Variants in ZDHHC11 observed in about 807,000 individuals in gnomAD.
ZDHHC11 encodes zDHHC palmitoyltransferase 11.
ZDHHC11 carries 44 observed loss-of-function variants against 51.3 expected under a neutral mutation model. That is an observed-to-expected ratio of 0.86 (90% confidence interval 0.67 to 1.10). The LOEUF (loss-of-function observed/expected upper bound fraction) is 1.10, where lower values mean the gene tolerates loss of function less well. Ranked by LOEUF, ZDHHC11 falls within the 50% of genes least tolerant of loss-of-function variation. The pLI is 0.00. For missense variants in ZDHHC11, 400 were observed against 537.7 expected, an observed-to-expected ratio of 0.74 and a Z score of 2.53; for synonymous variants, 163 against 222.0, an observed-to-expected ratio of 0.73 and a Z score of 2.36.
intron 3 of ZDHHC11, among the ~76,000 whole-genome samples, chr5:846,158 G>T (rs1182231214): frequency 1.5e-4 from 23 of 150,800 alleles, no homozygotes; most frequent in African/African-American, 5.4e-4. Flanking sequence ...CTCTGGACTC[G>T]CTGTGCGGTC....
rs888012799 is a variant in ZDHHC11, at chr5:799,867, C to A, written c.*7+1233G>T. 1.1e-4 allele frequency among the ~76,000 whole-genome samples: 17 copies of A among 151,606 alleles called. 1 individual carries two copies. The highest frequency in any genetic ancestry group is 3.4e-3 in the Middle Eastern group (1 of 294). On this transcript the variant is annotated intron_variant, in intron 12 of 12. Coordinates refer to ENST00000283441, the MANE Select transcript of ZDHHC11 (RefSeq NM_024786.3). The stretch of plus-strand genomic sequence containing the variant: ...TGCAATCTTTCCACATCTCTTTCAT[C>A]TCCCCTTCAATCTCAGTGGATTTGT...
At chr5:838,572 G>C (rs1217382785) in intron 5 of ZDHHC11, among the ~76,000 whole-genome samples, 1 of 152,220 alleles carries the variant, frequency 6.6e-6, no homozygotes, top group South Asian at 2.1e-4. Context: ...TGGACATCCT[G>C]GAGTCACTGC....
At chr5:842,895 C>T (rs1441691735) in intron 4 of ZDHHC11, among the ~76,000 whole-genome samples, 2 of 152,218 alleles carry the variant, frequency 1.3e-5, no homozygotes, top group Admixed American at 1.3e-4. Context: ...CTCACGAGGC[C>T]ACCTCCCCTC....
At chr5:854,341 G>C (rs191156034), upstream of ZDHHC11, among the ~76,000 whole-genome samples, 529 of 149,364 alleles carry the variant, frequency 3.5e-3, 14 homozygotes, top group Admixed American at 0.032. Flanking sequence ...AGAGGACAGC[G>C]AGCCGTGGGG....
At chr5:840,071 G>A in intron 5 of ZDHHC11, 2 of 606,598 alleles carry the variant, frequency 3.3e-6, no homozygotes, top group Non-Finnish European at 2.9e-6. Context: ...TTTGGTTAGT[G>A]GGTGACCTGC....
chr5:843,854 C>T (rs1410655227), intron 3 of ZDHHC11, 130 bp from the exon 4 acceptor site: 8 of 202,262 alleles, frequency 4.0e-5, no homozygotes, highest in Non-Finnish European at 3.7e-5. Context: ...GGGGGCACAG[C>T]GGCAGGGGCA....
At chr5:810,718 T>C (rs1579573788) in intron 11 of ZDHHC11, among the ~76,000 whole-genome samples, 2 of 151,540 alleles carry the variant, frequency 1.3e-5, no homozygotes, top group African/African-American at 2.4e-5. Context: ...AAAGGGTTAA[T>C]GGTAACTTAT....
chr5:855,970 G>A (rs922430190), upstream of ZDHHC11, among the ~76,000 whole-genome samples: 1 of 151,288 alleles, frequency 6.6e-6, no homozygotes, highest in African/African-American at 2.4e-5. Context: ...TGAGCGAGGG[G>A]CACAGACCCC....
chr5:806,062 T>G (rs913035814), intron 11 of ZDHHC11, among the ~76,000 whole-genome samples: 1 of 150,256 alleles, frequency 6.7e-6, no homozygotes, highest in Non-Finnish European at 1.5e-5. Flanking sequence ...ATGGGGGAGG[T>G]GCTGGAAAGG....
intron 12 of ZDHHC11, among the ~76,000 whole-genome samples, chr5:798,454 T>C (rs1436891451): frequency 1.3e-5 from 2 of 151,286 alleles, no homozygotes; most frequent in African/African-American, 2.4e-5. Context: ...TTTCGGAGCA[T>C]TGTCCGATCC....
At chr5:828,392 C>T (rs1181270533) in intron 7 of ZDHHC11, among the ~76,000 whole-genome samples, 4 of 149,096 alleles carry the variant, frequency 2.7e-5, no homozygotes, top group Non-Finnish European at 6.0e-5. Flanking sequence ...CTGGACGGGG[C>T]GGCTGGCCGG....
At chr5:849,331 G>A (rs1438638823) in intron 1 of ZDHHC11, among the ~76,000 whole-genome samples, 1 of 152,150 alleles carries the variant, frequency 6.6e-6, no homozygotes, top group Non-Finnish European at 1.5e-5. Context: ...ACCCTTTACA[G>A]CTTGAGGGAC....
At chr5:853,187 G>A (rs1243674995), upstream of ZDHHC11, among the ~76,000 whole-genome samples, 3 of 143,768 alleles carry the variant, frequency 2.1e-5, no homozygotes, top group Non-Finnish European at 4.5e-5. Context: ...AGGACAGCGA[G>A]CCAGGGGGCA....
At chr5:845,969 C>T (rs1163435057) in intron 3 of ZDHHC11, among the ~76,000 whole-genome samples, 2 of 150,258 alleles carry the variant, frequency 1.3e-5, no homozygotes, top group African/African-American at 2.5e-5. Context: ...TCACCTTCCC[C>T]ACCAGGACCC....
intron 3 of ZDHHC11, among the ~76,000 whole-genome samples, chr5:846,809 G>T: frequency 7.1e-6 from 1 of 140,498 alleles, no homozygotes; most frequent in East Asian, 2.1e-4. Context: ...GTGCTCAGGG[G>T]AAACACGTCT....
intron 7 of ZDHHC11, among the ~76,000 whole-genome samples, 183 bp downstream of exon 7, chr5:833,590 G>A (rs1229047647): frequency 1.6e-4 from 24 of 150,876 alleles, no homozygotes; most frequent in African/African-American, 4.6e-4. Context: ...CAAGCACATC[G>A]AGATAGATAA....
At chr5:806,755 T>C (rs1739314232) in intron 11 of ZDHHC11, among the ~76,000 whole-genome samples, 1 of 150,884 alleles carries the variant, frequency 6.6e-6, no homozygotes, top group Admixed American at 6.6e-5. Context: ...AGAAAACTCG[T>C]ATGGCTCACA....
At chr5:797,214 A>ACG (rs1737712942) in intron 12 of ZDHHC11, among the ~76,000 whole-genome samples, 1 of 148,726 alleles carries the variant, frequency 6.7e-6, no homozygotes, top group Admixed American at 6.7e-5. Flanking sequence ...CTAAATACAT[A>ACG]TGTGTGTGTG....
chr5:822,051 C>T (rs1450559001), intron 8 of ZDHHC11, among the ~76,000 whole-genome samples, 156 bp from the exon 9 acceptor site: 5 of 151,520 alleles, frequency 3.3e-5, no homozygotes, highest in Non-Finnish European at 7.4e-5. Flanking sequence ...AGTGGTGACA[C>T]AGCACACTTC....
Sources: allele counts gnomAD v4.1 joint callset (sites outside exome capture counted in the v4.1 genomes callset), GRCh38; gene constraint gnomAD v4.1.1; transcripts MANE v1.5; gene names NCBI Gene and HGNC (gene_info 2026-07-23, HGNC 2026-07-21).